ABCC11: variants seen among roughly 807,000 people sequenced by gnomAD.
ABCC11 encodes ATP-binding cassette sub-family C member 11.
Under a neutral mutation model 149.3 loss-of-function variants are expected in ABCC11, and 135 were observed. The ratio of observed to expected loss-of-function variants is 0.90; its 90% confidence interval spans 0.79 to 1.04. The LOEUF is 1.04. Among genes scored for constraint, ABCC11 ranks in the 50% least tolerant of loss-of-function variants. The pLI, the probability that ABCC11 is intolerant of heterozygous loss-of-function variation, is 0.00. For missense variants in ABCC11, 1,680 were observed against 1,722.1 expected, an observed-to-expected ratio of 0.98 and a Z score of 0.43; for synonymous variants, 665 against 671.4, an observed-to-expected ratio of 0.99 and a Z score of 0.15.
intron 1 of ABCC11, among the ~76,000 whole-genome samples, chr16:48,237,301 T>C (rs1414799862): frequency 6.6e-6 from 1 of 152,184 alleles, no homozygotes; most frequent in Non-Finnish European, 1.5e-5. Context: ...GAGACCCTCA[T>C]TATAGCCAGG....
At chr16:48,223,822 C>G (rs1314811994) in intron 5 of ABCC11, 1 of 152,814 alleles carries the variant, frequency 6.5e-6, no homozygotes, top group African/African-American at 2.4e-5. Flanking sequence ...CTGCTACCTA[C>G]ATTCCCAGAG....
intron 2 of ABCC11, among the ~76,000 whole-genome samples, chr16:48,231,607 G>T (rs1970419813): frequency 6.7e-6 from 1 of 150,300 alleles, no homozygotes; most frequent in African/African-American, 2.5e-5. Context: ...GTGTCAGTGA[G>T]CTATGATTGT....
At chr16:48,218,719 T>C (rs1391782654) in intron 6 of ABCC11, among the ~76,000 whole-genome samples, 1 of 152,176 alleles carries the variant, frequency 6.6e-6, no homozygotes, top group African/African-American at 2.4e-5. Context: ...GGAGTTTCCC[T>C]ACACAAGCTC....
chr16:48,215,333 T>G lies in ABCC11; in HGVS notation c.963A>C (p.Thr321=). 2.5e-6 allele frequency: 4 copies of G among 1,613,672 alleles called. No homozygotes were observed. The highest frequency in any genetic ancestry group is 3.4e-6 in the Non-Finnish European group (4 of 1,179,662). ...GATGCTGAGCCTTCACAGCCATTCTTGTCATGAATACCTGGAGTCAGGATA... is the reference window on the plus strand; with the variant it reads ...GATGCTGAGCCTTCACAGCCATTCTGGTCATGAATACCTGGAGTCAGGATA... ...LLVFPLAVFM[T]RMAVKAQHHT... Residue 321 remains threonine (T), a synonymous_variant, in exon 8 of 30, where the codon ACA becomes ACC. Coordinates refer to ENST00000356608, the MANE Select transcript of ABCC11 (RefSeq NM_001370497.1).
chr16:48,181,024 C>G (rs753790474), intron 23 of ABCC11, among the ~76,000 whole-genome samples: 15 of 152,358 alleles, frequency 9.8e-5, no homozygotes, highest in Admixed American at 2.0e-4. Context: ...CTGCTGTGAA[C>G]AGTGCACCCT....
intron 6 of ABCC11, among the ~76,000 whole-genome samples, chr16:48,220,108 T>C (rs1969635975): frequency 6.6e-6 from 1 of 152,266 alleles, no homozygotes; most frequent in Non-Finnish European, 1.5e-5. Context: ...TCTATGAAGA[T>C]GTTTGAGGAA....
chr16:48,167,135 CA>C lies in ABCC11; in HGVS notation c.*138del. ...TCCAGGGTTTCCATCCAGCAATCCCCACCCCCCCTACATTTACCCCTGCTTC... is the reference window on the plus strand; with the variant it reads ...TCCAGGGTTTCCATCCAGCAATCCCCCCCCCCCTACATTTACCCCTGCTTC... On this transcript the variant is annotated 3_prime_UTR_variant, in exon 30 of 30. Coordinates refer to ENST00000356608, the MANE Select transcript of ABCC11 (RefSeq NM_001370497.1). 1 of 593,930 alleles carries C rather than the reference CA, an allele frequency of 1.7e-6. No individual in the cohort carries two copies. The highest frequency in any genetic ancestry group is 1.8e-5 in the South Asian group (1 of 56,650). The allele number at this position is 593,930 out of a possible 1,614,324, so 36.8% of individuals were successfully genotyped here.
intron 22 of ABCC11, among the ~76,000 whole-genome samples, chr16:48,186,012 C>T (rs1438242670): frequency 6.6e-6 from 1 of 152,186 alleles, no homozygotes; most frequent in Non-Finnish European, 1.5e-5. Context: ...TCCAATCCCT[C>T]CAGACTCTCT....
At chr16:48,167,394 G>T (rs1409456538) in intron 29 of ABCC11, 28 bp from the exon 30 acceptor site, 4 of 1,513,926 alleles carry the variant, frequency 2.6e-6, no homozygotes, top group African/African-American at 1.4e-5. Context: ...GCGAGGGGAG[G>T]ATCAGGGCAC....
intron 13 of ABCC11, among the ~76,000 whole-genome samples, 154 bp downstream of exon 13, chr16:48,205,256 TATG>T (rs770974889): frequency 9.2e-5 from 14 of 152,190 alleles, no homozygotes; most frequent in Admixed American, 2.6e-4. Flanking sequence ...GGAAAATTGA[TATG>T]ATGGTATTTC....
intron 1 of ABCC11, chr16:48,234,995 C>T (rs1970617251): frequency 6.6e-6 from 1 of 152,182 alleles, no homozygotes; most frequent in South Asian, 2.1e-4. Flanking sequence ...GATAAAATGA[C>T]TTAAATTATT....
Position 48,176,940 on chromosome 16 carries a change from C to A in ABCC11, c.3522G>T (p.Val1174=), listed in dbSNP as rs750995040. ...TIRGHEVVGI[V]GRTGSGKSSL... is the part of the protein sequence containing the mutation. Reference sequence around the variant, plus strand: ...TCAGCTCACCAGAGCCCGTCCTTCCCACGATGCCCACCACTTCGTGGCCGC... The same window carrying A: ...TCAGCTCACCAGAGCCCGTCCTTCCAACGATGCCCACCACTTCGTGGCCGC... Residue 1174 remains valine (V), a synonymous_variant, in exon 25 of 30, where the codon GTG becomes GTT. Transcript: ENST00000356608. 2 of 1,613,666 alleles carry A rather than the reference C, an allele frequency of 1.2e-6. No individual in the cohort carries two copies. Among genetic ancestry groups the A allele is most frequent in the African/African-American group, 1.3e-5 (1 of 74,924 alleles).
chr16:48,191,768 G>A (rs539883458), intron 20 of ABCC11, among the ~76,000 whole-genome samples: 1 of 150,968 alleles, frequency 6.6e-6, no homozygotes, highest in Admixed American at 6.6e-5. Context: ...TCATAGGTGG[G>A]AAATGAACAA....
At chr16:48,184,395 G>A (rs752914252) in intron 23 of ABCC11, 45 bp downstream of exon 23, 1 of 1,591,204 alleles carries the variant, frequency 6.3e-7, no homozygotes, top group South Asian at 1.2e-5. Flanking sequence ...ACAGGCAGAG[G>A]ATGAGCAAAG....
chr16:48,183,531 G>A (rs981765732), intron 23 of ABCC11, among the ~76,000 whole-genome samples: 1 of 152,242 alleles, frequency 6.6e-6, no homozygotes, highest in Admixed American at 6.5e-5. Context: ...GGAGACCGAG[G>A]CCAGTGGATC....
At chr16:48,223,649 A>C (rs1327048300) in intron 5 of ABCC11, 1 of 152,486 alleles carries the variant, frequency 6.6e-6, no homozygotes, top group African/African-American at 2.4e-5. Flanking sequence ...TGGACTGTAA[A>C]TCAAAGTACC....
intron 1 of ABCC11, 157 bp from the exon 2 acceptor site, chr16:48,232,096 G>A (rs1970457050): frequency 7.2e-7 from 1 of 1,380,844 alleles, no homozygotes; most frequent in Non-Finnish European, 9.4e-7. Flanking sequence ...TCCTTAGCCT[G>A]TGCTTGATCC....
At chr16:48,245,802 A>C (rs900473360) in intron 1 of ABCC11, among the ~76,000 whole-genome samples, 3 of 152,178 alleles carry the variant, frequency 2.0e-5, no homozygotes, top group Non-Finnish European at 4.4e-5. Flanking sequence ...CTAAAATTTT[A>C]TATGTGGTCC....
chr16:48,230,815 T>G (rs1163174179), intron 2 of ABCC11, among the ~76,000 whole-genome samples: 2 of 152,082 alleles, frequency 1.3e-5, no homozygotes, highest in East Asian at 3.9e-4. Context: ...GATTTTTATC[T>G]GACAGTAAAC....
Sources: gnomAD v4.1 joint callset for allele counts (sites outside exome capture counted in the v4.1 genomes callset) on GRCh38, gnomAD v4.1.1 for gene constraint, MANE v1.5 for transcripts, NCBI Gene and HGNC (gene_info 2026-07-23, HGNC 2026-07-21) for gene names.